ASTN2: variants seen among roughly 807,000 people sequenced by gnomAD.
ASTN2 encodes astrotactin 2.
Under a neutral mutation model 139.8 loss-of-function variants are expected in ASTN2, and 54 were observed. The observed-to-expected ratio is 0.39, with a 90% CI of 0.31 to 0.48. The LOEUF (loss-of-function observed/expected upper bound fraction) is 0.48. Ranked by LOEUF, ASTN2 falls within the 20% of genes least tolerant of loss-of-function variation. The probability of loss-of-function intolerance (pLI) is 0.95; values close to 1 mark genes in which losing one functional copy is unlikely to be tolerated. For synonymous variants in ASTN2, 756 were observed against 719.5 expected (o/e 1.05, Z -0.81); for missense variants, 1,565 against 1,725.1 (o/e 0.91, Z 1.64).
intron 20 of ASTN2, among the ~76,000 whole-genome samples, chr9:116,459,324 G>A (rs1018075026): frequency 5.3e-5 from 8 of 151,952 alleles, no homozygotes; most frequent in African/African-American, 1.9e-4. Flanking sequence ...GAAGACATAA[G>A]AGAAAATCTT....
At chr9:116,768,800 C>T (rs1829881393) in intron 13 of ASTN2, among the ~76,000 whole-genome samples, 1 of 152,148 alleles carries the variant, frequency 6.6e-6, no homozygotes, top group Admixed American at 6.5e-5. Flanking sequence ...TCCCACCCTC[C>T]AGGACTATAA....
At chr9:117,072,672 G>T (rs904330665) in intron 5 of ASTN2, among the ~76,000 whole-genome samples, 25 of 152,300 alleles carry the variant, frequency 1.6e-4, no homozygotes, top group African/African-American at 6.0e-4. Context: ...CCAAGGAGTG[G>T]AATGGTGGCT....
intron 3 of ASTN2, among the ~76,000 whole-genome samples, chr9:117,143,914 A>G (rs1830132281): frequency 6.6e-6 from 1 of 152,190 alleles, no homozygotes. Context: ...TACCTCCCAA[A>G]GATCCTATCT....
intron 2 of ASTN2, among the ~76,000 whole-genome samples, chr9:117,290,055 C>A (rs1247072017): frequency 6.6e-5 from 10 of 152,190 alleles, no homozygotes; most frequent in Non-Finnish European, 1.3e-4. Context: ...TCAAAAAATA[C>A]TGCTGATTGT....
At chr9:117,203,889 G>A (rs1292852804) in intron 3 of ASTN2, among the ~76,000 whole-genome samples, 1 of 152,154 alleles carries the variant, frequency 6.6e-6, no homozygotes, top group Non-Finnish European at 1.5e-5. Flanking sequence ...TTGGTGGAGA[G>A]GGTGTGTTTT....
At chr9:117,217,254 C>T (rs1289816102) in intron 2 of ASTN2, among the ~76,000 whole-genome samples, 2 of 152,112 alleles carry the variant, frequency 1.3e-5, no homozygotes, top group Admixed American at 6.5e-5. Flanking sequence ...CCATTGATGC[C>T]CCTGGGGGAA....
chr9:116,592,491 C>T (rs1854417252), intron 19 of ASTN2, among the ~76,000 whole-genome samples: 1 of 152,140 alleles, frequency 6.6e-6, no homozygotes, highest in African/African-American at 2.4e-5. Context: ...CACCAGCCCT[C>T]GCCTCCAACA....
chr9:116,511,777 T>C (rs995679600), intron 19 of ASTN2, among the ~76,000 whole-genome samples: 2 of 152,208 alleles, frequency 1.3e-5, no homozygotes, highest in Non-Finnish European at 2.9e-5. Context: ...CTAGATTTTC[T>C]AGTTTATTTG....
rs1857927029 is a variant in ASTN2 at position 116,651,718 on chromosome 9, G to A, written c.2882C>T (p.Ala961Val). The change falls in exon 17 of 23, where the codon GCC becomes GTC. Residue 961 changes from alanine (A) to valine (V), a missense_variant. By Grantham distance (64) the Ala-to-Val change is moderately conservative. This residue lies in a region of ASTN2 where 48 missense variants were observed against 90.7 expected (regional missense o/e 0.53). Transcript: ENST00000313400. The stretch of plus-strand genomic sequence containing the variant: ...GAGCTGGTCATCTGACAGCATCTGG[G>A]CTGTCAGCAAACCTGAGAGGTAGGT... ...FITYLSGLLTAQMLSDDQLIS... is the reference protein window; with the variant it reads ...FITYLSGLLTVQMLSDDQLIS... 6.2e-7 allele frequency: 1 copy of A among 1,614,134 alleles called. No homozygotes were observed. Among genetic ancestry groups the A allele is most frequent in the East Asian group, 2.2e-5 (1 of 44,866 alleles).
intron 1 of ASTN2, among the ~76,000 whole-genome samples, chr9:117,373,824 GGA>G (rs1407042199): frequency 6.6e-6 from 1 of 152,216 alleles, no homozygotes; most frequent in Non-Finnish European, 1.5e-5. Flanking sequence ...AAGCAGTTAA[GGA>G]AATACTTAGG....
At chr9:116,998,581 C>A (rs1437004501) in intron 7 of ASTN2, among the ~76,000 whole-genome samples, 5 of 150,452 alleles carry the variant, frequency 3.3e-5, no homozygotes, top group Non-Finnish European at 7.5e-5. Flanking sequence ...ATACATCCAT[C>A]CATACATCCA....
intron 3 of ASTN2, among the ~76,000 whole-genome samples, chr9:117,171,684 T>C (rs1429342727): frequency 6.6e-6 from 1 of 152,064 alleles, no homozygotes; most frequent in African/African-American, 2.4e-5. Flanking sequence ...CTTTGCTCCT[T>C]CTTCTCTCTC....
In ASTN2 at chr9:116,623,036, C is replaced by T. The variant is rs188867416; in HGVS notation, c.3073-2593G>A. On this transcript the variant is annotated intron_variant, in intron 17 of 22. Transcript: ENST00000313400. ...CTTAAAATTCTGTAACATCTCCAGC[C>T]AACACTGAAGGCTTAATTAACATAA... 2.5e-3 allele frequency among the ~76,000 whole-genome samples: 379 copies of T among 152,146 alleles called. 2 individuals carry two copies. The highest frequency in any genetic ancestry group is 0.014 in the South Asian group (66 of 4,828).
chr9:116,811,177 C>T (rs1361206386), intron 12 of ASTN2, among the ~76,000 whole-genome samples: 5 of 151,680 alleles, frequency 3.3e-5, no homozygotes, highest in Admixed American at 3.3e-4. Context: ...TAATTCCTTC[C>T]TGCTGTTTTA....
At chr9:117,347,013 C>G (rs1829239754) in intron 1 of ASTN2, among the ~76,000 whole-genome samples, 1 of 152,048 alleles carries the variant, frequency 6.6e-6, no homozygotes, top group South Asian at 2.1e-4. Context: ...TACTAGTCTA[C>G]CTACAAGGCT....
At chr9:116,711,022 G>A (rs1828140354) in intron 16 of ASTN2, among the ~76,000 whole-genome samples, 1 of 152,150 alleles carries the variant, frequency 6.6e-6, no homozygotes, top group Admixed American at 6.5e-5. Flanking sequence ...AAGACTCAGG[G>A]ACTGGATATA....
At chr9:116,767,187 G>C (rs1829834747) in intron 13 of ASTN2, among the ~76,000 whole-genome samples, 1 of 151,810 alleles carries the variant, frequency 6.6e-6, no homozygotes, top group Non-Finnish European at 1.5e-5. Context: ...TGCATGTTTA[G>C]AAGATGGAGA....
At chr9:116,485,631 C>T (rs893848314) in intron 20 of ASTN2, among the ~76,000 whole-genome samples, 6 of 152,158 alleles carry the variant, frequency 3.9e-5, no homozygotes, top group Non-Finnish European at 8.8e-5. Flanking sequence ...TTCTTTAAGG[C>T]CTAAGGTACA....
intron 16 of ASTN2, among the ~76,000 whole-genome samples, chr9:116,652,341 AAAAT>A (rs1226274364): frequency 9.9e-5 from 15 of 152,100 alleles, no homozygotes; most frequent in Admixed American, 3.3e-4. Flanking sequence ...AAATAAATGA[AAAAT>A]AAATAAATTA....
Sources: allele counts gnomAD v4.1 joint callset (sites outside exome capture counted in the v4.1 genomes callset), GRCh38; gene constraint gnomAD v4.1.1; regional missense constraint gnomAD v4.1.1; transcripts MANE v1.5; gene names NCBI Gene and HGNC (gene_info 2026-07-23, HGNC 2026-07-21).